Variants in LEF1 observed in about 807,000 individuals in gnomAD.
LEF1 encodes the protein lymphoid enhancer binding factor 1.
In LEF1, 14 loss-of-function variants were observed where a neutral mutation model predicts 51.2. That is an observed-to-expected ratio of 0.27 (90% CI 0.18 to 0.43). The LOEUF (loss-of-function observed/expected upper bound fraction) is 0.43. Ranked by LOEUF, LEF1 falls within the 20% of genes least tolerant of loss-of-function variation. The probability of loss-of-function intolerance (pLI) is 1.00; values close to 1 mark genes in which losing one functional copy is unlikely to be tolerated. For synonymous variants in LEF1, 185 were observed against 183.2 expected (o/e 1.01, Z -0.08); for missense variants, 386 against 512.0 (o/e 0.75, Z 2.37).
rs72660419 is a variant in LEF1, at chr4:108,107,458, A to G, written c.415-18201T>C. On this transcript the variant is annotated intron_variant, in intron 3 of 11. Coordinates refer to ENST00000265165, the MANE Select transcript of LEF1 (RefSeq NM_016269.5). The stretch of plus-strand genomic sequence containing the variant: ...GTCTCTTATGCTTTCCAAAATTTTT[A>G]TCTAGAATATTGTGCATAATCCTTA... 9.8e-3 allele frequency among the ~76,000 whole-genome samples: 1,491 copies of G among 152,064 alleles called. 7 individuals carry two copies. The highest frequency in any genetic ancestry group is 0.014 in the Non-Finnish European group (933 of 68,002).
chr4:108,083,515 G>T, intron 4 of LEF1, 69 bp from the exon 5 acceptor site: 1 of 942,326 alleles, frequency 1.1e-6, no homozygotes, highest in Non-Finnish European at 1.6e-6. Context: ...GCAACTACAT[G>T]TTTTATACCA....
chr4:108,070,754 C>A lies in LEF1; in HGVS notation c.1025G>T (p.Arg342Leu), dbSNP rs200011152. 1 of 1,611,244 alleles carries A rather than the reference C, an allele frequency of 6.2e-7. No homozygotes were observed. The highest frequency in any genetic ancestry group is 8.5e-7 in the Non-Finnish European group (1 of 1,178,368). Residue 342 changes from arginine to leucine, a missense_variant, in exon 9 of 12, where the codon CGT becomes CTT. This residue lies in a region of LEF1 where 51 missense variants were observed against 121.3 expected (regional missense o/e 0.42). Transcript: ENST00000265165. Reference protein sequence around the residue: ...ILGRRWHALSREEQAKYYELA... With the variant: ...ILGRRWHALSLEEQAKYYELA... ...TTCATAATATTTAGCCTGCTCTTCA[C>A]GGGAGAGGGCATGCCACTAAAACAG...
chr4:108,145,058 T>A (rs888709615), intron 3 of LEF1, among the ~76,000 whole-genome samples: 2 of 152,106 alleles, frequency 1.3e-5, no homozygotes, highest in East Asian at 3.8e-4. Context: ...TCCCACATCA[T>A]ACAAAGAATA....
intron 8 of LEF1, among the ~76,000 whole-genome samples, chr4:108,073,826 C>T (rs534264850): frequency 3.5e-5 from 3 of 86,694 alleles, no homozygotes; most frequent in African/African-American, 1.0e-4. Flanking sequence ...TCTGATAACC[C>T]CCCCCCCTTT....
At chr4:108,055,164 C>A (rs1737237175) in intron 11 of LEF1, among the ~76,000 whole-genome samples, 1 of 152,140 alleles carries the variant, frequency 6.6e-6, no homozygotes, top group Non-Finnish European at 1.5e-5. Flanking sequence ...ACATATTATT[C>A]AATTAAGCTT....
intron 3 of LEF1, among the ~76,000 whole-genome samples, chr4:108,127,672 C>A (rs190151632): frequency 6.6e-6 from 1 of 152,042 alleles, no homozygotes; most frequent in Admixed American, 6.5e-5. Flanking sequence ...CTTATTTAAG[C>A]GGAAAATAAA....
At position 108,167,440 on chromosome 4, in the gene LEF1, G is replaced by A. The variant is rs1745484683; in HGVS notation, c.213+115C>T. On this transcript the variant is annotated intron_variant, in intron 1 of 11. Transcript: ENST00000265165. This position sits in a 1 kb window ranked among gnomAD's most constrained non-coding sequence, Gnocchi z 5.7. ...TACGCACACACCCCAAAACAAACGA[G>A]GGATCTACTCGGGACCCTCAGCCGG... The A allele has an allele frequency of 1.2e-5, 11 of 949,366 alleles. No individual in the cohort carries two copies. The highest frequency in any genetic ancestry group is 1.8e-5 in the Non-Finnish European group (11 of 615,668). The allele number at this position is 949,366 out of a possible 1,614,324, so 58.8% of individuals were successfully genotyped here.
intron 3 of LEF1, among the ~76,000 whole-genome samples, chr4:108,090,489 G>A (rs1739947340): frequency 6.6e-6 from 1 of 152,022 alleles, no homozygotes; most frequent in African/African-American, 2.4e-5. Flanking sequence ...ACCCAAAAGT[G>A]CTTACTAAGT....
chr4:108,107,444 T>C (rs1205029840), intron 3 of LEF1, among the ~76,000 whole-genome samples: 1 of 152,138 alleles, frequency 6.6e-6, no homozygotes, highest in Non-Finnish European at 1.5e-5. Flanking sequence ...TCTCTTATGC[T>C]TTCCAAAATT....
rs1477115830 is a variant in LEF1 at position 108,157,162 on chromosome 4, C to CTA, written c.414+6405_414+6406insTA. On this transcript the variant is annotated intron_variant, in intron 3 of 11. Coordinates refer to ENST00000265165, the MANE Select transcript of LEF1 (RefSeq NM_016269.5). ...CTACCTCTTCATTCTCTCTCTCTCTCTCTCTCTATATATATATACACACAC... is the reference window on the plus strand; with the variant it reads ...CTACCTCTTCATTCTCTCTCTCTCTCTATCTCTCTATATATATATACACACAC... 1.9e-4 allele frequency among the ~76,000 whole-genome samples: 12 copies of CTA among 64,092 alleles called. No homozygotes were observed. The East Asian group carries it at 7.1e-3, about 38-fold the overall frequency. The allele number at this position is 64,092 out of a possible 152,430, so 42.0% of individuals were successfully genotyped here.
intron 3 of LEF1, among the ~76,000 whole-genome samples, chr4:108,106,452 T>A (rs1741173290): frequency 6.6e-6 from 1 of 152,140 alleles, no homozygotes; most frequent in African/African-American, 2.4e-5. Flanking sequence ...AGATTGAGGC[T>A]GCCTTTACGG....
intron 3 of LEF1, among the ~76,000 whole-genome samples, chr4:108,146,130 G>C (rs937654201): frequency 3.3e-5 from 5 of 152,214 alleles, no homozygotes; most frequent in African/African-American, 1.2e-4. Context: ...AAGCTCTCCT[G>C]GACATGTTCT....
intron 3 of LEF1, among the ~76,000 whole-genome samples, chr4:108,091,759 A>G (rs1470508609): frequency 6.6e-6 from 1 of 152,230 alleles, no homozygotes; most frequent in African/African-American, 2.4e-5. Flanking sequence ...CATGGAATTT[A>G]GAATGCTAGA....
Position 108,167,551 on chromosome 4 carries a change from T to C in LEF1, c.213+4A>G. On this transcript the variant is annotated splice_donor_region_variant and intron_variant, in intron 1 of 11. Transcript: ENST00000265165. This position sits in a 1 kb window ranked among gnomAD's most constrained non-coding sequence, Gnocchi z 5.7. The stretch of plus-strand genomic sequence containing the variant: ...TCTCGGAACTGGGGCAGCGGCCCGC[T>C]CACCTCGTGTCCGTTGCTGGCCGGG... The C allele has an allele frequency of 1.2e-6, 2 of 1,613,870 alleles. No homozygotes were observed. Among genetic ancestry groups the C allele is most frequent in the South Asian group, 2.2e-5 (2 of 91,068 alleles).
At chr4:108,146,045 A>G (rs1578395466) in intron 3 of LEF1, among the ~76,000 whole-genome samples, 1 of 152,238 alleles carries the variant, frequency 6.6e-6, no homozygotes, top group South Asian at 2.1e-4. Context: ...AAAATAAGTG[A>G]CCACTGAAAA....
chr4:108,106,678 G>A (rs1741189989), intron 3 of LEF1, among the ~76,000 whole-genome samples: 1 of 152,120 alleles, frequency 6.6e-6, no homozygotes, highest in Non-Finnish European at 1.5e-5. Flanking sequence ...CTCAACTTCT[G>A]GTTCCGAGCC....
chr4:108,071,821 C>T (rs2126276476), intron 8 of LEF1: 1 of 152,314 alleles, frequency 6.6e-6, no homozygotes, highest in Non-Finnish European at 1.5e-5. Flanking sequence ...AGACCAGAGC[C>T]CACACTACGC....
intron 3 of LEF1, among the ~76,000 whole-genome samples, chr4:108,103,440 CTA>C (rs1225019924): frequency 1.3e-5 from 2 of 152,158 alleles, no homozygotes; most frequent in Non-Finnish European, 2.9e-5. Flanking sequence ...ATTTATGTGC[CTA>C]TGTTTTTCAC....
intron 11 of LEF1, among the ~76,000 whole-genome samples, chr4:108,050,577 C>A (rs1415909141): frequency 6.6e-6 from 1 of 152,208 alleles, no homozygotes; most frequent in Non-Finnish European, 1.5e-5. Context: ...GGGCACCCCA[C>A]AGATTCCTAT....
Sources: gnomAD v4.1 joint callset for allele counts (sites outside exome capture counted in the v4.1 genomes callset) on GRCh38, gnomAD v4.1.1 for gene constraint, gnomAD v4.1.1 regional missense constraint, Gnocchi (gnomAD v3.1) non-coding constraint, MANE v1.5 for transcripts, NCBI Gene and HGNC (gene_info 2026-07-23, HGNC 2026-07-21) for gene names.